Variants in CDH18 observed in about 807,000 individuals in gnomAD.
CDH18 encodes cadherin-18.
In CDH18, 31 loss-of-function variants were observed where a neutral mutation model predicts 67.9. The observed-to-expected ratio is 0.46, with a 90% CI of 0.34 to 0.62. The LOEUF is 0.62. CDH18 is among the 20% of genes least tolerant of loss of function. CDH18 has a pLI of 0.01. For synonymous variants in CDH18, 362 were observed against 347.2 expected (o/e 1.04, Z -0.48); for missense variants, 890 against 975.5 (o/e 0.91, Z 1.17).
At chr5:19,816,923 A>G (rs1779348876) in intron 3 of CDH18, among the ~76,000 whole-genome samples, 1 of 151,836 alleles carries the variant, frequency 6.6e-6, no homozygotes, top group Admixed American at 6.6e-5. Context: ...AACATCATGA[A>G]CAAAGTTAAA....
chr5:19,653,136 C>T lies in CDH18; in HGVS notation c.644-40535G>A, dbSNP rs183899068. ...TATTAGGTTGTTGCGAAAGTAATGG[C>T]GGTTTTTGCCTTTACTTTTAAATGG... On this transcript the variant is annotated intron_variant, in intron 5 of 12. Coordinates refer to ENST00000382275, the MANE Select transcript of CDH18 (RefSeq NM_004934.5). 4.4e-4 allele frequency among the ~76,000 whole-genome samples: 67 copies of T among 151,544 alleles called. No homozygotes were observed. The East Asian group carries it at 0.013, about 29-fold the overall frequency.
chr5:19,769,785 C>T (rs1303951954), intron 3 of CDH18, among the ~76,000 whole-genome samples: 1 of 149,926 alleles, frequency 6.7e-6, no homozygotes, highest in Non-Finnish European at 1.5e-5. Flanking sequence ...AAATGTGCTA[C>T]CAAAAAAGTG....
At chr5:20,462,312 C>T (rs979548898) in intron 1 of CDH18, among the ~76,000 whole-genome samples, 2 of 152,018 alleles carry the variant, frequency 1.3e-5, no homozygotes, top group South Asian at 4.1e-4. Context: ...AAAAGTTGAT[C>T]TCGTGGAAGT....
chr5:20,407,929 A>G (rs149728797), intron 1 of CDH18, among the ~76,000 whole-genome samples: 8 of 152,188 alleles, frequency 5.3e-5, no homozygotes, highest in African/African-American at 1.9e-4. Flanking sequence ...CTGCCTCAAT[A>G]AGATAAAACC....
At chr5:19,519,014 A>T (rs1299136647) in intron 10 of CDH18, among the ~76,000 whole-genome samples, 1 of 152,172 alleles carries the variant, frequency 6.6e-6, no homozygotes, top group African/African-American at 2.4e-5. Context: ...GCCCAAATAA[A>T]GCAAACGCCT....
chr5:20,198,056 G>C (rs1171225153), intron 2 of CDH18, among the ~76,000 whole-genome samples: 1 of 152,128 alleles, frequency 6.6e-6, no homozygotes, highest in Non-Finnish European at 1.5e-5. Context: ...CTGCCACCCT[G>C]ATTGTAAGTT....
In CDH18 at chr5:20,566,360, CTT is replaced by C. The variant is rs529048391; in HGVS notation, c.-580+9100_-580+9101del. Among the ~76,000 whole-genome samples the C allele has an allele frequency of 1.8e-3, 220 of 119,234 alleles. 1 individual carries two copies. Among genetic ancestry groups the C allele is most frequent in the African/African-American group, 6.9e-3 (200 of 29,164 alleles). The allele number at this position is 119,234 out of a possible 152,430, so 78.2% of individuals were successfully genotyped here. The stretch of plus-strand genomic sequence containing the variant: ...GATTCTCTTGATTTTTTTTCTTTTT[CTT>C]TTTTTTTTTTTTTTTTGAGATAGAG... On this transcript the variant is annotated intron_variant, in intron 1 of 14. Coordinates refer to the CDH18 transcript ENST00000507958.
At chr5:19,521,023 T>C (rs1746818360) in intron 9 of CDH18, among the ~76,000 whole-genome samples, 1 of 152,192 alleles carries the variant, frequency 6.6e-6, no homozygotes, top group East Asian at 1.9e-4. Flanking sequence ...GGAAATTACA[T>C]GTTATCAGGA....
intron 1 of CDH18, among the ~76,000 whole-genome samples, chr5:20,490,065 G>A (rs1280941896): frequency 1.3e-5 from 2 of 150,164 alleles, no homozygotes; most frequent in Non-Finnish European, 3.0e-5. Flanking sequence ...AGATAAAATT[G>A]CTATAATAAT....
At position 20,391,493 on chromosome 5, in the gene CDH18, C is replaced by A. The variant is rs530094304; in HGVS notation, c.-579-135988G>T. 3.9e-5 allele frequency among the ~76,000 whole-genome samples: 6 copies of A among 152,118 alleles called. No homozygotes were observed. The East Asian group carries it at 1.2e-3, about 29-fold the overall frequency. ...ATAAGTACATTCAGCTAAAATACCA[C>A]TATAATCAATTATAATTATTATTAT... is the stretch of plus-strand genomic sequence containing the variant. On this transcript the variant is annotated intron_variant, in intron 1 of 14. Transcript: ENST00000507958.
At chr5:19,621,578 C>G (rs1011139229) in intron 5 of CDH18, among the ~76,000 whole-genome samples, 1 of 152,084 alleles carries the variant, frequency 6.6e-6, no homozygotes, top group Non-Finnish European at 1.5e-5. Flanking sequence ...AGTAACAGAA[C>G]AAATACTGCA....
At chr5:19,982,114 T>C (rs116248533) in intron 1 of CDH18, among the ~76,000 whole-genome samples, 1,713 of 152,306 alleles carry the variant, frequency 0.011, 17 homozygotes, top group Non-Finnish European at 0.017. Flanking sequence ...CAGGTAGAAT[T>C]TTAGTTATCA....
chr5:19,532,476 A>G (rs1748784839), intron 9 of CDH18, among the ~76,000 whole-genome samples: 1 of 152,188 alleles, frequency 6.6e-6, no homozygotes, highest in South Asian at 2.1e-4. Flanking sequence ...AACTTTCGAC[A>G]AGATATTTGT....
chr5:20,095,504 AG>A (rs70954634), intron 2 of CDH18, among the ~76,000 whole-genome samples: 38 of 123,966 alleles, frequency 3.1e-4, no homozygotes, highest in South Asian at 1.6e-3. Context: ...GGAGGGAGGG[AG>A]GGAGGATGGA....
chr5:20,523,219 A>G (rs1755850330), intron 1 of CDH18, among the ~76,000 whole-genome samples: 1 of 152,194 alleles, frequency 6.6e-6, no homozygotes, highest in African/African-American at 2.4e-5. Flanking sequence ...GTTTTCTGAA[A>G]GCAAGTTTGC....
chr5:19,808,258 T>G (rs1476207191), intron 3 of CDH18, among the ~76,000 whole-genome samples: 1 of 151,818 alleles, frequency 6.6e-6, no homozygotes, highest in Admixed American at 6.6e-5. Flanking sequence ...CTTTGTAACT[T>G]TTGTAACGAA....
intron 5 of CDH18, among the ~76,000 whole-genome samples, chr5:19,648,718 C>T (rs1755150563): frequency 6.6e-6 from 1 of 151,756 alleles, no homozygotes; most frequent in South Asian, 2.1e-4. Context: ...AACAATGAAT[C>T]AAAAAAGCTT....
chr5:19,888,345 AT>A (rs1173243842), intron 2 of CDH18, among the ~76,000 whole-genome samples: 1 of 152,110 alleles, frequency 6.6e-6, no homozygotes, highest in African/African-American at 2.4e-5. Flanking sequence ...TTAACAAGGT[AT>A]ATATTTCCTT....
At chr5:20,044,407 T>C (rs1157301496) in intron 2 of CDH18, among the ~76,000 whole-genome samples, 3 of 152,192 alleles carry the variant, frequency 2.0e-5, no homozygotes, top group African/African-American at 4.8e-5. Flanking sequence ...TAATTATGTA[T>C]ATTTTTCATC....
Sources: gnomAD v4.1 joint callset for allele counts (sites outside exome capture counted in the v4.1 genomes callset) on GRCh38, gnomAD v4.1.1 for gene constraint, MANE v1.5 for transcripts, NCBI Gene and HGNC (gene_info 2026-07-23, HGNC 2026-07-21) for gene names.